SERAC1: variants seen among roughly 807,000 people sequenced by gnomAD.
SERAC1 encodes serine active site containing 1.
A neutral mutation model predicts 85.7 loss-of-function variants in SERAC1; 36 were observed. The ratio of observed to expected loss-of-function variants is 0.42; its 90% CI spans 0.32 to 0.55. The LOEUF is 0.55. Among genes scored for constraint, SERAC1 ranks in the 20% least tolerant of loss-of-function variants. SERAC1 has a pLI of 0.11. For synonymous variants in SERAC1, 242 were observed against 265.3 expected (o/e 0.91, Z 0.85); for missense variants, 629 against 796.2 (o/e 0.79, Z 2.53).
Position 158,120,652 on chromosome 6 carries a change from A to C in SERAC1, c.1016-77T>G, listed in dbSNP as rs1180932645. 2.0e-6 allele frequency: 3 copies of C among 1,480,878 alleles called. No individual in the cohort carries two copies. In the African/African-American group the frequency reaches 4.2e-5, roughly 21 times the overall value. The allele number at this position is 1,480,878 out of a possible 1,614,324, so 91.7% of individuals were successfully genotyped here. ...ACAGAGAGAGTGAGGTTTCAAACTG[A>C]ATATGATGGGAGAAAGGCAAACCTT... is the stretch of plus-strand genomic sequence containing the variant. On this transcript the variant is annotated intron_variant, in intron 10 of 16. Coordinates refer to ENST00000647468, the MANE Select transcript of SERAC1 (RefSeq NM_032861.4). This position sits in a 1 kb window ranked among gnomAD's most constrained non-coding sequence, Gnocchi z 4.4.
chr6:158,114,510 A>ATACT (rs1784228383), intron 15 of SERAC1: 3 of 1,187,916 alleles, frequency 2.5e-6, no homozygotes, highest in Non-Finnish European at 3.1e-6. Flanking sequence ...ATTTGGAATA[A>ATACT]TACTTAAAAG....
At chr6:158,123,360 C>T (rs1427798997) in intron 10 of SERAC1, among the ~76,000 whole-genome samples, 1 of 152,046 alleles carries the variant, frequency 6.6e-6, no homozygotes. Flanking sequence ...GGCTGGAGGG[C>T]TTATAAAAGA....
In SERAC1 at chr6:158,113,352, T is replaced by G. The variant is rs1233069580; in HGVS notation, c.1828+97A>C. 8.1e-6 allele frequency: 8 copies of G among 989,086 alleles called. No homozygotes were observed. The Admixed American group carries it at 1.8e-4, about 22-fold the overall frequency. The allele number at this position is 989,086 out of a possible 1,614,324, so 61.3% of individuals were successfully genotyped here. A position where few individuals can be genotyped will look rare whatever the true frequency, so the allele number is the denominator to read the frequency against. ...ATCTAGACCTTCATAAACTATCTCT[T>G]AAAACTGAGAACCTGGATATAAAAA... On this transcript the variant is annotated intron_variant, in intron 16 of 16. Coordinates refer to ENST00000647468, the MANE Select transcript of SERAC1 (RefSeq NM_032861.4).
Position 158,120,610 on chromosome 6 carries a change from T to C in SERAC1, c.1016-35A>G, listed in dbSNP as rs1784397240. 3.1e-6 allele frequency: 5 copies of C among 1,604,134 alleles called. No individual in the cohort carries two copies. The South Asian group carries it at 4.5e-5, about 14-fold the overall frequency. ...AGTACACATATCCTAAATACTGATG[T>C]GAATCCATCGCAGACCACAGAGAGA... On this transcript the variant is annotated intron_variant, in intron 10 of 16. Transcript: ENST00000647468. The surrounding 1 kb of genome is among the most constrained non-coding windows in gnomAD (Gnocchi z 4.4).
intron 10 of SERAC1, among the ~76,000 whole-genome samples, chr6:158,122,646 G>C (rs2128413163): frequency 6.6e-6 from 1 of 152,212 alleles, no homozygotes; most frequent in Admixed American, 6.5e-5. Context: ...CGGGTGTGGT[G>C]GTGGGCGCCT....
intron 8 of SERAC1, among the ~76,000 whole-genome samples, chr6:158,135,919 C>T (rs1241092489): frequency 6.6e-6 from 1 of 152,170 alleles, no homozygotes; most frequent in African/African-American, 2.4e-5. Flanking sequence ...ACACCATTCT[C>T]CTGCCTCAGC....
rs1225687212 is a variant in SERAC1 at position 158,130,394 on chromosome 6, T to C, written c.831A>G (p.Glu277=). The C allele has an allele frequency of 1.3e-6, 2 of 1,582,738 alleles. No individual in the cohort carries two copies. The highest frequency in any genetic ancestry group is 1.7e-6 in the Non-Finnish European group (2 of 1,165,714). The stretch of plus-strand genomic sequence containing the variant: ...TTACCTCAGAATGTTTTACTATAGC[T>C]TCTAAACAGAACATTTCCACTGTTG... The part of the protein sequence containing the change: ...PSATVEMFCL[E]AIVKHSEIST... Residue 277 remains glutamate, a synonymous_variant, in exon 9 of 17, where the codon GAA becomes GAG. Transcript: ENST00000647468.
chr6:158,139,944 A>AT (rs2128418796), intron 8 of SERAC1, among the ~76,000 whole-genome samples: 2 of 152,344 alleles, frequency 1.3e-5, no homozygotes, highest in East Asian at 3.9e-4. Context: ...AATAACATAT[A>AT]TTGCTGGTGG....
In SERAC1 at chr6:158,128,092, T is replaced by C; in HGVS notation, c.1015+16A>G. ...GGAGAACAAAGTAAAAAATACTCAG[T>C]ATATAAAGCTGTTACCTGAGCGAAC... On this transcript the variant is annotated intron_variant, in intron 10 of 16. Coordinates refer to ENST00000647468, the MANE Select transcript of SERAC1 (RefSeq NM_032861.4). 1 of 1,609,008 alleles carries C rather than the reference T, an allele frequency of 6.2e-7. No homozygotes were observed. Among genetic ancestry groups the C allele is most frequent in the Non-Finnish European group, 8.5e-7 (1 of 1,176,668 alleles).
At position 158,113,326 on chromosome 6, in the gene SERAC1, A is replaced by G. The variant is rs1583555252; in HGVS notation, c.1828+123T>C. On this transcript the variant is annotated intron_variant, in intron 16 of 16. Transcript: ENST00000647468. ...TTGCTGAAAAGAATAAAAGAAATCA[A>G]ATCTAGACCTTCATAAACTATCTCT... The G allele has an allele frequency of 6.5e-6, 5 of 764,900 alleles. No homozygotes were observed. The East Asian group carries it at 1.3e-4, about 20-fold the overall frequency. The allele number at this position is 764,900 out of a possible 1,614,324, so 47.4% of individuals were successfully genotyped here.
intron 16 of SERAC1, 121 bp downstream of exon 16, chr6:158,113,328 T>C: frequency 2.6e-6 from 2 of 773,968 alleles, no homozygotes; most frequent in Non-Finnish European, 4.1e-6. Flanking sequence ...AGAAATCAAA[T>C]CTAGACCTTC....
rs760747069 is a variant in SERAC1 at position 158,130,356 on chromosome 6, T to C, written c.852+17A>G. The stretch of plus-strand genomic sequence containing the variant: ...AAAATCATAAAAAGTAAACTACATT[T>C]TGAAAATGTAAATTACCTCAGAATG... On this transcript the variant is annotated intron_variant, in intron 9 of 16. Coordinates refer to ENST00000647468, the MANE Select transcript of SERAC1 (RefSeq NM_032861.4). The C allele has an allele frequency of 1.5e-6, 2 of 1,378,682 alleles. No homozygotes were observed. Among genetic ancestry groups the C allele is most frequent in the Non-Finnish European group, 2.0e-6 (2 of 1,016,130 alleles). 85.4% of individuals were successfully genotyped at this position (1,378,682 alleles called of 1,614,324 possible). A position where few individuals can be genotyped will look rare whatever the true frequency, so the allele number is the denominator to read the frequency against.
intron 2 of SERAC1, among the ~76,000 whole-genome samples, chr6:158,156,244 T>C (rs1375679077): frequency 1.3e-5 from 2 of 152,178 alleles, no homozygotes; most frequent in Non-Finnish European, 2.9e-5. Flanking sequence ...TATTAAAAAA[T>C]TCCTATGGCA....
intron 1 of SERAC1, among the ~76,000 whole-genome samples, chr6:158,160,074 CCTG>C (rs1299487952): frequency 1.3e-5 from 2 of 152,080 alleles, no homozygotes; most frequent in East Asian, 1.9e-4. Flanking sequence ...TTTCTATAGT[CCTG>C]CTAATTTATT....
chr6:158,133,674 T>C, intron 8 of SERAC1, among the ~76,000 whole-genome samples: 1 of 152,154 alleles, frequency 6.6e-6, no homozygotes, highest in East Asian at 1.9e-4. Context: ...CGTAAGCCAC[T>C]GCACCTGGCC....
At chr6:158,118,911 G>A in intron 12 of SERAC1, 118 bp downstream of exon 12, 1 of 1,228,830 alleles carries the variant, frequency 8.1e-7, no homozygotes. Context: ...CTCCCTAAGG[G>A]AAAGAAGAAC....
At chr6:158,130,338 TA>T in intron 9 of SERAC1, 34 bp downstream of exon 9, 1 of 1,228,782 alleles carries the variant, frequency 8.1e-7, no homozygotes, top group South Asian at 1.6e-5. Flanking sequence ...AATAAAATCA[TA>T]AAAAGTAAAC....
chr6:158,146,534 G>A (rs1411583761), intron 6 of SERAC1: 3 of 294,170 alleles, frequency 1.0e-5, no homozygotes, highest in African/African-American at 4.6e-5. Context: ...TCAGCCTCTC[G>A]AGTAGCTGGG....
In SERAC1 at chr6:158,158,430, A is replaced by G. The variant is rs1032961760; in HGVS notation, c.-1-66T>C. Reference sequence around the variant, plus strand: ...CTAAATCAAAACACTTGTTTTAACTACAAGAACATGTTACCATCACAGTGG... The same window carrying G: ...CTAAATCAAAACACTTGTTTTAACTGCAAGAACATGTTACCATCACAGTGG... On this transcript the variant is annotated intron_variant, in intron 1 of 16. Coordinates refer to ENST00000647468, the MANE Select transcript of SERAC1 (RefSeq NM_032861.4). 6 of 1,213,784 alleles carry G rather than the reference A, an allele frequency of 4.9e-6. No homozygotes were observed. The Admixed American group carries it at 1.1e-4, about 22-fold the overall frequency. The allele number at this position is 1,213,784 out of a possible 1,614,324, so 75.2% of individuals were successfully genotyped here.
Sources: allele counts gnomAD v4.1 joint callset (sites outside exome capture counted in the v4.1 genomes callset), GRCh38; gene constraint gnomAD v4.1.1; non-coding constraint Gnocchi (gnomAD v3.1); transcripts MANE v1.5; gene names NCBI Gene and HGNC (gene_info 2026-07-23, HGNC 2026-07-21).